Variants in SMOC2 observed in about 807,000 individuals in gnomAD.
SMOC2 encodes the protein SPARC-related modular calcium-binding protein 2.
A neutral mutation model predicts 61.4 loss-of-function variants in SMOC2; 39 were observed. The ratio of observed to expected loss-of-function variants is 0.64; its 90% confidence interval spans 0.49 to 0.83. SMOC2 has a LOEUF of 0.83. Ranked by LOEUF, SMOC2 falls within the 40% of genes least tolerant of loss-of-function variation. The pLI is 0.00. For missense variants in SMOC2, 556 were observed against 592.9 expected (o/e 0.94, Z 0.65); for synonymous variants, 247 against 239.9 (o/e 1.03, Z -0.27).
chr6:168,509,128 C>T (rs753626095), intron 1 of SMOC2, among the ~76,000 whole-genome samples: 19 of 152,268 alleles, frequency 1.2e-4, no homozygotes, highest in Non-Finnish European at 2.4e-4. Context: ...ACGCCCAGAT[C>T]GGAGGCTTCC....
At chr6:168,511,410 C>A (rs1783004984) in intron 2 of SMOC2, among the ~76,000 whole-genome samples, 1 of 152,152 alleles carries the variant, frequency 6.6e-6, no homozygotes. Flanking sequence ...AAAAAGCCCA[C>A]TATAAAACCA....
At chr6:168,612,156 G>T (rs1785889043) in intron 9 of SMOC2, among the ~76,000 whole-genome samples, 1 of 152,204 alleles carries the variant, frequency 6.6e-6, no homozygotes, top group African/African-American at 2.4e-5. Context: ...GCTTTCCAGT[G>T]TGGGGAGAGG....
intron 1 of SMOC2, among the ~76,000 whole-genome samples, chr6:168,507,313 G>T (rs1458838944): frequency 6.6e-6 from 1 of 152,184 alleles, no homozygotes; most frequent in East Asian, 1.9e-4. Flanking sequence ...GCTATTAATA[G>T]GGCCGGCCCC....
intron 7 of SMOC2, among the ~76,000 whole-genome samples, chr6:168,584,914 C>A (rs952034441): frequency 1.3e-5 from 2 of 152,184 alleles, no homozygotes; most frequent in African/African-American, 4.8e-5. Context: ...CCAGTTGATG[C>A]CCCCTCACTC....
intron 11 of SMOC2, among the ~76,000 whole-genome samples, chr6:168,662,513 G>A (rs1787534331): frequency 6.6e-6 from 1 of 152,236 alleles, no homozygotes; most frequent in African/African-American, 2.4e-5. Flanking sequence ...ACAGGCATCC[G>A]GAGTGATGTG....
chr6:168,537,136 G>C (rs1476854236), intron 4 of SMOC2, among the ~76,000 whole-genome samples: 1 of 152,270 alleles, frequency 6.6e-6, no homozygotes, highest in Admixed American at 6.5e-5. Context: ...TTAGCTGTAA[G>C]CCGGTCCTAT....
Position 168,562,935 on chromosome 6 carries a change from G to A in SMOC2, c.637+13732G>A, listed in dbSNP as rs757493557. 1.3e-5 allele frequency among the ~76,000 whole-genome samples: 2 copies of A among 152,288 alleles called. 1 individual carries two copies. The highest frequency in any genetic ancestry group is 4.1e-4 in the South Asian group (2 of 4,824). Reference sequence around the variant, plus strand: ...CTCCTAAAAGCTCCAGCCTAGAATCGAACCAACCCTGTTCCCTCCATCTCA... The same window carrying A: ...CTCCTAAAAGCTCCAGCCTAGAATCAAACCAACCCTGTTCCCTCCATCTCA... On this transcript the variant is annotated intron_variant, in intron 7 of 12. Transcript: ENST00000356284.
intron 7 of SMOC2, among the ~76,000 whole-genome samples, chr6:168,551,505 G>T (rs955345942): frequency 1.3e-5 from 2 of 151,082 alleles, no homozygotes; most frequent in Non-Finnish European, 1.5e-5. Context: ...CCAGGCTGGC[G>T]AGCAGCAGCA....
At chr6:168,507,326 T>C (rs551555083) in intron 1 of SMOC2, among the ~76,000 whole-genome samples, 1 of 152,310 alleles carries the variant, frequency 6.6e-6, no homozygotes, top group South Asian at 2.1e-4. Context: ...CCGGCCCCTG[T>C]TTGAAACGAA....
intron 4 of SMOC2, among the ~76,000 whole-genome samples, chr6:168,531,684 C>T (rs1195807824): frequency 6.6e-6 from 1 of 152,362 alleles, no homozygotes; most frequent in South Asian, 2.1e-4. Context: ...GGCTCACATT[C>T]GCCAGGGCCA....
intron 9 of SMOC2, among the ~76,000 whole-genome samples, chr6:168,644,173 G>A (rs1300835318): frequency 6.6e-6 from 1 of 152,208 alleles, no homozygotes; most frequent in Non-Finnish European, 1.5e-5. Flanking sequence ...TTCAGCAAAT[G>A]TTGGTAATCC....
In SMOC2 at chr6:168,610,643, C is replaced by T. The variant is rs368378126; in HGVS notation, c.907+2404C>T. On this transcript the variant is annotated intron_variant, in intron 9 of 12. Transcript: ENST00000356284. ...ATGTAAAGCTGATAATATTTTCACA[C>T]AAAATTCACTTGTTTGGGGTGAGCA... is the stretch of plus-strand genomic sequence containing the variant. Among the ~76,000 whole-genome samples, 6 of 152,176 alleles carry T rather than the reference C, an allele frequency of 3.9e-5. No homozygotes were observed. The East Asian group carries it at 7.7e-4, about 20-fold the overall frequency.
intron 1 of SMOC2, among the ~76,000 whole-genome samples, chr6:168,460,332 T>C (rs1488518018): frequency 6.6e-6 from 1 of 152,214 alleles, no homozygotes; most frequent in Admixed American, 6.5e-5. Flanking sequence ...ATAGACACTT[T>C]GAAAAGTAGT....
At chr6:168,506,764 C>T (rs1360273235) in intron 1 of SMOC2, among the ~76,000 whole-genome samples, 1 of 152,166 alleles carries the variant, frequency 6.6e-6, no homozygotes, top group Admixed American at 6.5e-5. Flanking sequence ...TTAATAAAGT[C>T]ACTCGATGTC....
At position 168,535,056 on chromosome 6, in the gene SMOC2, C is replaced by T. The variant is rs189343274; in HGVS notation, c.463+7329C>T. 1.3e-5 allele frequency among the ~76,000 whole-genome samples: 2 copies of T among 152,048 alleles called. No homozygotes were observed. The highest frequency in any genetic ancestry group is 2.9e-5 in the Non-Finnish European group (2 of 68,022). The stretch of plus-strand genomic sequence containing the variant: ...CACAATCTCGGCTCACTGCAACCTC[C>T]GCCTCCGGGGTTCAAGCGATTCTCC... On this transcript the variant is annotated intron_variant, in intron 4 of 12. Coordinates refer to ENST00000356284, the MANE Select transcript of SMOC2 (RefSeq NM_001166412.2). This position sits in a 1 kb window ranked among gnomAD's most constrained non-coding sequence, Gnocchi z 4.6.
chr6:168,480,133 C>T (rs1782173885), intron 1 of SMOC2, among the ~76,000 whole-genome samples: 1 of 151,938 alleles, frequency 6.6e-6, no homozygotes, highest in Non-Finnish European at 1.5e-5. Flanking sequence ...CCCAAGCAAA[C>T]CCTGGGAAAA....
At chr6:168,630,743 A>G (rs1299647080) in intron 9 of SMOC2, among the ~76,000 whole-genome samples, 1 of 152,232 alleles carries the variant, frequency 6.6e-6, no homozygotes, top group East Asian at 1.9e-4. Context: ...TCCCTGAGAA[A>G]GAGAATGTGC....
intron 6 of SMOC2, among the ~76,000 whole-genome samples, chr6:168,548,396 C>T (rs1490954821): frequency 6.8e-6 from 1 of 147,410 alleles, no homozygotes; most frequent in African/African-American, 2.6e-5. Context: ...CTTTTGTTGC[C>T]CAGGCTTCTG....
intron 2 of SMOC2, among the ~76,000 whole-genome samples, chr6:168,515,719 T>C (rs1371620990): frequency 1.3e-5 from 2 of 151,530 alleles, no homozygotes; most frequent in Non-Finnish European, 2.9e-5. Flanking sequence ...GTCCCACTGC[T>C]GCAAACGCAG....
Sources: allele counts gnomAD v4.1 joint callset (sites outside exome capture counted in the v4.1 genomes callset), GRCh38; gene constraint gnomAD v4.1.1; non-coding constraint Gnocchi (gnomAD v3.1); transcripts MANE v1.5; gene names NCBI Gene and HGNC (gene_info 2026-07-23, HGNC 2026-07-21).